HTRA1: variants seen among roughly 807,000 people sequenced by gnomAD.
HTRA1 encodes the protein HtrA serine peptidase 1, also known as serine protease HTRA1.
In HTRA1, 26 loss-of-function variants were observed where a neutral mutation model predicts 49.7. The observed-to-expected ratio is 0.52, with a 90% CI of 0.38 to 0.73. HTRA1 has a LOEUF of 0.73. Among genes scored for constraint, HTRA1 ranks in the 30% least tolerant of loss-of-function variants. The pLI is 0.00. For missense variants in HTRA1, 561 were observed against 667.2 expected (o/e 0.84, Z 1.75); for synonymous variants, 291 against 286.9 (o/e 1.01, Z -0.14).
chr10:122,477,024 C>G (rs564615398), intron 1 of HTRA1, among the ~76,000 whole-genome samples: 16 of 143,368 alleles, frequency 1.1e-4, no homozygotes, highest in South Asian at 2.2e-4. Flanking sequence ...CTGGAGTGCA[C>G]TGGCGCAATC....
chr10:122,488,269 ATC>A (rs1196746742), intron 1 of HTRA1, among the ~76,000 whole-genome samples: 3 of 152,170 alleles, frequency 2.0e-5, no homozygotes, highest in Non-Finnish European at 4.4e-5. Flanking sequence ...GTGATGCCAC[ATC>A]AAAAAGGGAC....
intron 3 of HTRA1, among the ~76,000 whole-genome samples, chr10:122,496,219 TTGTGGGTTC>T (rs1489343352): frequency 6.7e-5 from 9 of 133,630 alleles, no homozygotes; most frequent in Non-Finnish European, 1.2e-4. Context: ...TTGCCAGAGA[TTGTGGGTTC>T]TTTTTTTTTT....
intron 1 of HTRA1, among the ~76,000 whole-genome samples, chr10:122,483,640 G>T (rs188727203): frequency 5.8e-4 from 89 of 152,336 alleles, no homozygotes; most frequent in Middle Eastern, 3.4e-3. Flanking sequence ...TTCACTGAGA[G>T]TATGCTTAAT....
At chr10:122,493,766 T>C (rs2097497030) in intron 3 of HTRA1, among the ~76,000 whole-genome samples, 2 of 152,180 alleles carry the variant, frequency 1.3e-5, no homozygotes, top group Non-Finnish European at 2.9e-5. Flanking sequence ...GAGAGAGATC[T>C]GAACTCCTTA....
chr10:122,496,258 T>TTTTG (rs1565427230), intron 3 of HTRA1, among the ~76,000 whole-genome samples: 2 of 132,574 alleles, frequency 1.5e-5, no homozygotes, highest in African/African-American at 5.5e-5. Context: ...TTTTTTTTTT[T>TTTTG]TGCAGAGATG....
chr10:122,477,822 A>G (rs2421028), intron 1 of HTRA1, among the ~76,000 whole-genome samples: 79,539 of 152,126 alleles, frequency 0.52, 22,339 homozygotes, highest in African/African-American at 0.73. Context: ...GGGACATGCT[A>G]TCCATTGGCC....
chr10:122,479,381 AT>A (rs1233759916), intron 1 of HTRA1, among the ~76,000 whole-genome samples: 4 of 152,156 alleles, frequency 2.6e-5, no homozygotes, highest in Non-Finnish European at 5.9e-5. Context: ...TTAGGGCAAC[AT>A]GATTTAATTC....
intron 1 of HTRA1, among the ~76,000 whole-genome samples, chr10:122,473,256 C>A (rs2133911900): frequency 6.6e-6 from 1 of 152,246 alleles, no homozygotes; most frequent in Admixed American, 6.5e-5. Flanking sequence ...CCTTCTAACA[C>A]TCGTGTCTCA....
At chr10:122,476,703 TG>T (rs139554863) in intron 1 of HTRA1, among the ~76,000 whole-genome samples, 10,412 of 152,096 alleles carry the variant, frequency 0.068, 430 homozygotes, top group Middle Eastern at 0.12. Flanking sequence ...GAAATGCAGG[TG>T]GGGGGGCCTT....
At position 122,470,154 on chromosome 10, in the gene HTRA1, A is replaced by G. The variant is rs574979639; in HGVS notation, c.472+8030A>G. 1.1e-4 allele frequency among the ~76,000 whole-genome samples: 17 copies of G among 152,308 alleles called. No individual in the cohort carries two copies. In the East Asian group the frequency reaches 1.9e-3, roughly 17 times the overall value. On this transcript the variant is annotated intron_variant, in intron 1 of 8. Coordinates refer to ENST00000368984, the MANE Select transcript of HTRA1 (RefSeq NM_002775.5). Reference sequence around the variant, plus strand: ...TGATTTTCTGCCTACTGATCTATCAATTCCTGAAAGAGAAGTGTTGACGTC... The same window carrying G: ...TGATTTTCTGCCTACTGATCTATCAGTTCCTGAAAGAGAAGTGTTGACGTC...
intron 3 of HTRA1, among the ~76,000 whole-genome samples, chr10:122,501,691 G>T (rs74579921): frequency 6.6e-6 from 1 of 152,136 alleles, no homozygotes; most frequent in Non-Finnish European, 1.5e-5. Flanking sequence ...GGATACTGCC[G>T]ATGACCTACG....
At chr10:122,502,247 G>A (rs979340345) in intron 3 of HTRA1, among the ~76,000 whole-genome samples, 2 of 152,154 alleles carry the variant, frequency 1.3e-5, no homozygotes, top group South Asian at 4.1e-4. Context: ...CTCACTGAAT[G>A]GTTGTTGAGA....
At chr10:122,476,094 C>T (rs748739467) in intron 1 of HTRA1, among the ~76,000 whole-genome samples, 6 of 152,214 alleles carry the variant, frequency 3.9e-5, no homozygotes, top group Non-Finnish European at 7.3e-5. Context: ...TCGCTTCATG[C>T]CTCACTGGCC....
At chr10:122,496,598 G>A (rs150103938) in intron 3 of HTRA1, among the ~76,000 whole-genome samples, 2 of 152,218 alleles carry the variant, frequency 1.3e-5, no homozygotes, top group African/African-American at 4.8e-5. Context: ...TACAGTGCAC[G>A]AAGCAAACAA....
chr10:122,491,034 T>C (rs529613339), intron 3 of HTRA1, among the ~76,000 whole-genome samples: 2 of 152,246 alleles, frequency 1.3e-5, no homozygotes, highest in South Asian at 4.1e-4. Flanking sequence ...TGCAGTTGTG[T>C]GTTATTTCTA....
Position 122,506,557 on chromosome 10 carries a change from A to G in HTRA1, c.778-134A>G. On this transcript the variant is annotated intron_variant, in intron 3 of 8. Coordinates refer to ENST00000368984, the MANE Select transcript of HTRA1 (RefSeq NM_002775.5). The surrounding 1 kb of genome is among the most constrained non-coding windows in gnomAD (Gnocchi z 5.2). ...CCGCAGCAAAGGGATGTTAGTTGTG[A>G]GCTCAGTTCCCCACCGGGCCTGGTG... 1.3e-6 allele frequency: 1 copy of G among 759,310 alleles called. No individual in the cohort carries two copies. The allele number at this position is 759,310 out of a possible 1,614,324, so 47.0% of individuals were successfully genotyped here.
At position 122,496,225 on chromosome 10, in the gene HTRA1, GTTCTTT is replaced by G. The variant is rs1338636597; in HGVS notation, c.777+6602_777+6607del. ...CCCTTTCGTTTGCCAGAGATTGTGG[GTTCTTT>G]TTTTTTTTTTTTTTTTTTTTTTTTT... On this transcript the variant is annotated intron_variant, in intron 3 of 8. Transcript: ENST00000368984. Among the ~76,000 whole-genome samples, 136 of 80,390 alleles carry G rather than the reference GTTCTTT, an allele frequency of 1.7e-3. 25 individuals carry two copies. The highest frequency in any genetic ancestry group is 0.016 in the Middle Eastern group (2 of 122). 52.7% of individuals were successfully genotyped at this position (80,390 alleles called of 152,430 possible).
In HTRA1 at chr10:122,487,125, A is replaced by G. The variant is rs2097493453; in HGVS notation, c.473-1777A>G. The stretch of plus-strand genomic sequence containing the variant: ...TCAGTGCAACAGACATAAGATTACC[A>G]TGTGAAATTGCTATGAAAGTTTCCG... On this transcript the variant is annotated intron_variant, in intron 1 of 8. Coordinates refer to ENST00000368984, the MANE Select transcript of HTRA1 (RefSeq NM_002775.5). The surrounding 1 kb of genome is among the most constrained non-coding windows in gnomAD (Gnocchi z 4.8). Among the ~76,000 whole-genome samples, 1 of 152,216 alleles carries G rather than the reference A, an allele frequency of 6.6e-6. No homozygotes were observed. Among genetic ancestry groups the G allele is most frequent in the Non-Finnish European group, 1.5e-5 (1 of 68,040 alleles).
At chr10:122,481,407 G>A (rs572428541) in intron 1 of HTRA1, among the ~76,000 whole-genome samples, 26 of 152,184 alleles carry the variant, frequency 1.7e-4, no homozygotes, top group Non-Finnish European at 3.4e-4. Context: ...GTGACAGAGG[G>A]CAAGAGACCG....
Sources: gnomAD v4.1 joint callset for allele counts (sites outside exome capture counted in the v4.1 genomes callset) on GRCh38, gnomAD v4.1.1 for gene constraint, Gnocchi (gnomAD v3.1) non-coding constraint, MANE v1.5 for transcripts, NCBI Gene and HGNC (gene_info 2026-07-23, HGNC 2026-07-21) for gene names.